The following TMEM132B variants were observed in gnomAD, a reference collection of about 807,000 sequenced individuals.
The protein encoded by TMEM132B is transmembrane protein 132B.
Under a neutral mutation model 90.8 loss-of-function variants are expected in TMEM132B, and 18 were observed. The observed-to-expected ratio is 0.20, with a 90% confidence interval of 0.14 to 0.29. TMEM132B has a LOEUF of 0.29. TMEM132B is among the 10% of genes least tolerant of loss of function. The pLI is 1.00. For missense variants in TMEM132B, 1,096 were observed against 1,326.8 expected, an observed-to-expected ratio of 0.83 and a Z score of 2.70; for synonymous variants, 504 against 523.3, an observed-to-expected ratio of 0.96 and a Z score of 0.50.
chr12:125,391,866 G>A (rs1011936320), intron 2 of TMEM132B, among the ~76,000 whole-genome samples: 5 of 152,004 alleles, frequency 3.3e-5, no homozygotes, highest in South Asian at 2.1e-4. Flanking sequence ...TCCTGGGCTC[G>A]TCTGGTCCTG....
intron 5 of TMEM132B, among the ~76,000 whole-genome samples, chr12:125,602,106 C>T (rs752578767): frequency 6.6e-6 from 1 of 152,250 alleles, no homozygotes; most frequent in South Asian, 2.1e-4. Flanking sequence ...CTCCCTAACT[C>T]ATTTAATGAG....
chr12:125,505,013 C>T (rs1426957739), intron 3 of TMEM132B, among the ~76,000 whole-genome samples: 1 of 151,908 alleles, frequency 6.6e-6, no homozygotes, highest in African/African-American at 2.4e-5. Flanking sequence ...CAGCTTAACT[C>T]CCTATTTAAT....
intron 4 of TMEM132B, among the ~76,000 whole-genome samples, chr12:125,551,609 AGAT>A (rs1202950962): frequency 6.8e-6 from 1 of 146,904 alleles, no homozygotes; most frequent in Non-Finnish European, 1.5e-5. Context: ...TTTTTAAACA[AGAT>A]GATGCTCATT....
chr12:125,222,907 C>G (rs1238059143), intron 1 of TMEM132B, among the ~76,000 whole-genome samples: 2 of 152,248 alleles, frequency 1.3e-5, no homozygotes, highest in Non-Finnish European at 2.9e-5. Flanking sequence ...TCTGTTCTCA[C>G]TCATCCCATT....
intron 1 of TMEM132B, among the ~76,000 whole-genome samples, chr12:125,269,212 C>T (rs909375173): frequency 2.0e-5 from 3 of 152,200 alleles, no homozygotes; most frequent in African/African-American, 7.2e-5. Context: ...ATCACCTGAG[C>T]ATTGCCAGTG....
intron 5 of TMEM132B, among the ~76,000 whole-genome samples, chr12:125,592,607 ATGGAAAACATCAGCAGTC>A (rs895638355): frequency 3.3e-5 from 5 of 152,158 alleles, no homozygotes; most frequent in African/African-American, 1.2e-4. Context: ...ATAAAGCCTG[ATGGAAAACATCAGCAGTC>A]TGGAAAACAT....
At chr12:125,354,970 C>T (rs1036236740) in intron 2 of TMEM132B, among the ~76,000 whole-genome samples, 9 of 151,936 alleles carry the variant, frequency 5.9e-5, no homozygotes, top group African/African-American at 1.5e-4. Flanking sequence ...GAGAGGTGAG[C>T]GGTTACCTGT....
chr12:125,598,047 G>C (rs1419611404), intron 5 of TMEM132B, among the ~76,000 whole-genome samples: 1 of 152,154 alleles, frequency 6.6e-6, no homozygotes, highest in Non-Finnish European at 1.5e-5. Flanking sequence ...GGAGATTAAG[G>C]CTGACATGAA....
At chr12:125,564,527 G>A (rs1042885788) in intron 4 of TMEM132B, among the ~76,000 whole-genome samples, 6 of 152,180 alleles carry the variant, frequency 3.9e-5, no homozygotes, top group Non-Finnish European at 7.4e-5. Context: ...CCATAAGACA[G>A]ATTGTTCGTG....
chr12:125,392,323 G>T (rs965412353), intron 2 of TMEM132B, among the ~76,000 whole-genome samples: 5 of 152,154 alleles, frequency 3.3e-5, no homozygotes, highest in African/African-American at 1.2e-4. Flanking sequence ...TGGAATAGGA[G>T]ATATGTATTT....
intron 1 of TMEM132B, among the ~76,000 whole-genome samples, chr12:125,216,434 G>A (rs1370363273): frequency 6.6e-6 from 1 of 152,146 alleles, no homozygotes; most frequent in Non-Finnish European, 1.5e-5. Flanking sequence ...TTGGGCATTG[G>A]GGCTTTCACA....
At chr12:125,637,576 G>C (rs536279747) in intron 5 of TMEM132B, among the ~76,000 whole-genome samples, 11 of 152,220 alleles carry the variant, frequency 7.2e-5, no homozygotes, top group African/African-American at 1.9e-4. Flanking sequence ...GAAGCAAAGT[G>C]GGGGGACAAC....
rs946552421 is a variant in TMEM132B at position 125,375,838 on chromosome 12, A to G, written c.959+25495A>G. 3.3e-5 allele frequency among the ~76,000 whole-genome samples: 5 copies of G among 152,326 alleles called. No individual in the cohort carries two copies. The East Asian group carries it at 7.7e-4, about 23-fold the overall frequency. On this transcript the variant is annotated intron_variant, in intron 2 of 8. Coordinates refer to ENST00000682704, the MANE Select transcript of TMEM132B (RefSeq NM_001366854.1). The stretch of plus-strand genomic sequence containing the variant: ...TTACTTCCCTTTCTCTCCAATAGTT[A>G]TCAGGTTCTGGAATGACTTTTGTCT...
rs191225024 is a variant in TMEM132B at position 125,276,613 on chromosome 12, G to A, written c.68-72839G>A. Among the ~76,000 whole-genome samples, 11 of 152,276 alleles carry A rather than the reference G, an allele frequency of 7.2e-5. No homozygotes were observed. The East Asian group carries it at 1.9e-3, about 27-fold the overall frequency. On this transcript the variant is annotated intron_variant, in intron 1 of 8. Coordinates refer to ENST00000682704, the MANE Select transcript of TMEM132B (RefSeq NM_001366854.1). ...TGCTTTTTCTCCATGGGGTAACTTC[G>A]AGAGTGCATTTGTGTGGGTGTGAGT...
At chr12:125,450,629 T>C (rs1341194770) in intron 3 of TMEM132B, among the ~76,000 whole-genome samples, 2 of 152,190 alleles carry the variant, frequency 1.3e-5, no homozygotes, top group African/African-American at 2.4e-5. Context: ...ATAAAGATTG[T>C]GTCAGGCACA....
chr12:125,278,402 C>T (rs1163940730), intron 1 of TMEM132B, among the ~76,000 whole-genome samples: 2 of 150,942 alleles, frequency 1.3e-5, no homozygotes, highest in Non-Finnish European at 2.9e-5. Context: ...GCAACAAACT[C>T]ATATTGGTTT....
At chr12:125,195,078 C>T (rs1017211585) in intron 1 of TMEM132B, among the ~76,000 whole-genome samples, 1 of 152,154 alleles carries the variant, frequency 6.6e-6, no homozygotes, top group Non-Finnish European at 1.5e-5. Flanking sequence ...GTAAAATGGG[C>T]TCTGAACTCG....
chr12:125,288,467 A>AG (rs1461246790), intron 1 of TMEM132B, among the ~76,000 whole-genome samples: 6 of 146,562 alleles, frequency 4.1e-5, no homozygotes, highest in African/African-American at 1.3e-4. Context: ...CATCTCAAAA[A>AG]AAAAAAAAAA....
At chr12:125,396,006 TG>T in intron 2 of TMEM132B, among the ~76,000 whole-genome samples, 1 of 152,326 alleles carries the variant, frequency 6.6e-6, no homozygotes, top group East Asian at 1.9e-4. Context: ...TTGGGTCAAA[TG>T]GTTCCTCCTT....
Sources: allele counts gnomAD v4.1 joint callset (sites outside exome capture counted in the v4.1 genomes callset), GRCh38; gene constraint gnomAD v4.1.1; transcripts MANE v1.5; gene names NCBI Gene and HGNC (gene_info 2026-07-23, HGNC 2026-07-21).